The following PRKN variants were observed in gnomAD, a reference collection of about 807,000 sequenced individuals.
The protein encoded by PRKN is E3 ubiquitin-protein ligase parkin.
Under a neutral mutation model 59.5 loss-of-function variants are expected in PRKN, and 56 were observed. The ratio of observed to expected loss-of-function variants is 0.94; its 90% confidence interval spans 0.76 to 1.18. The LOEUF is 1.18. PRKN is among the 50% of genes most tolerant of loss of function. PRKN has a pLI of 0.00. For synonymous variants in PRKN, 250 were observed against 222.1 expected (o/e 1.13, Z -1.12); for missense variants, 657 against 596.4 (o/e 1.10, Z -1.06).
In PRKN at chr6:161,593,845, G is replaced by C. The variant is rs1469717571; in HGVS notation, c.872-24429C>G. Among the ~76,000 whole-genome samples, 1 of 152,086 alleles carries C rather than the reference G, an allele frequency of 6.6e-6. No individual in the cohort carries two copies. The highest frequency in any genetic ancestry group is 1.5e-5 in the Non-Finnish European group (1 of 67,998). On this transcript the variant is annotated intron_variant, in intron 7 of 11. Transcript: ENST00000366898. The surrounding 1 kb of genome is among the most constrained non-coding windows in gnomAD (Gnocchi z 4.8). ...CATGATGCTCAGGGGTCAAATAGGT[G>C]GAGGTGATAGAATTGACTGCTGGAG...
chr6:161,401,619 C>T lies in PRKN; in HGVS notation c.1084-14742G>A, dbSNP rs1436858603. Among the ~76,000 whole-genome samples the T allele has an allele frequency of 7.3e-5, 10 of 136,872 alleles. No homozygotes were observed. Among genetic ancestry groups the T allele is most frequent in the Admixed American group, 6.7e-4 (9 of 13,382 alleles). The allele number at this position is 136,872 out of a possible 152,430, so 89.8% of individuals were successfully genotyped here. ...CAAGAGCAAGATTCTGTCCCCACTCCCCACCAAAAAAAAAAAATTAGAGTA... is the reference window on the plus strand; with the variant it reads ...CAAGAGCAAGATTCTGTCCCCACTCTCCACCAAAAAAAAAAAATTAGAGTA... On this transcript the variant is annotated intron_variant, in intron 9 of 11. Transcript: ENST00000366898. The surrounding 1 kb of genome is among the most constrained non-coding windows in gnomAD (Gnocchi z 4.4).
chr6:162,696,404 G>GAGGT (rs1399201831), intron 1 of PRKN, among the ~76,000 whole-genome samples: 1 of 151,956 alleles, frequency 6.6e-6, no homozygotes, highest in African/African-American at 2.4e-5. Flanking sequence ...CTGTTTAGAG[G>GAGGT]AGGTAGGTGT....
At chr6:162,100,822 T>C (rs1321069571) in intron 4 of PRKN, among the ~76,000 whole-genome samples, 1 of 152,226 alleles carries the variant, frequency 6.6e-6, no homozygotes. Flanking sequence ...ATTTTTTCCC[T>C]GATAATTTAT....
At chr6:162,527,398 A>AT (rs999763903) in intron 1 of PRKN, among the ~76,000 whole-genome samples, 32 of 151,958 alleles carry the variant, frequency 2.1e-4, no homozygotes, top group African/African-American at 6.5e-4. Context: ...ACATTCGAGG[A>AT]TTTTTTTTTC....
intron 7 of PRKN, among the ~76,000 whole-genome samples, chr6:161,626,394 A>G (rs1479614254): frequency 6.6e-6 from 1 of 152,234 alleles, no homozygotes; most frequent in Non-Finnish European, 1.5e-5. Context: ...GTGACTGATG[A>G]TGCTTCAGGT....
chr6:161,904,238 T>A (rs1427860171), intron 6 of PRKN, among the ~76,000 whole-genome samples: 1 of 151,590 alleles, frequency 6.6e-6, no homozygotes, highest in East Asian at 1.9e-4. Context: ...CGCCCACAGT[T>A]TGGGGGGAAA....
At position 162,630,070 on chromosome 6, in the gene PRKN, T is replaced by TA. The variant is rs548809706; in HGVS notation, c.7+97591dup. 5.9e-5 allele frequency among the ~76,000 whole-genome samples: 9 copies of TA among 152,266 alleles called. No homozygotes were observed. In the South Asian group the frequency reaches 1.7e-3, roughly 28 times the overall value. ...AACTGTGCACGATGGTCTGCACAAG[T>TA]AGGTGCTAAAGGTGTTTGCTGAAAT... On this transcript the variant is annotated intron_variant, in intron 1 of 11. Transcript: ENST00000366898.
chr6:162,660,551 T>C (rs996723628), intron 1 of PRKN, among the ~76,000 whole-genome samples: 2 of 152,224 alleles, frequency 1.3e-5, no homozygotes, highest in Non-Finnish European at 2.9e-5. Context: ...TCCTTCCCTA[T>C]GATTCCATAG....
intron 2 of PRKN, among the ~76,000 whole-genome samples, chr6:162,291,817 G>T (rs775758719): frequency 6.6e-6 from 1 of 152,124 alleles, no homozygotes; most frequent in Non-Finnish European, 1.5e-5. Flanking sequence ...AAAGGTTGGC[G>T]TTGGGATTTG....
At chr6:161,623,514 C>T (rs990672726) in intron 7 of PRKN, among the ~76,000 whole-genome samples, 24 of 152,258 alleles carry the variant, frequency 1.6e-4, no homozygotes, top group Admixed American at 7.8e-4. Flanking sequence ...AGTAAGGGAG[C>T]GACAGACAGC....
intron 1 of PRKN, among the ~76,000 whole-genome samples, chr6:162,679,524 A>T (rs1007783221): frequency 1.3e-5 from 2 of 152,192 alleles, no homozygotes; most frequent in Non-Finnish European, 2.9e-5. Flanking sequence ...AAGGTCATGA[A>T]GATTGTCATT....
intron 4 of PRKN, among the ~76,000 whole-genome samples, chr6:162,075,320 T>C (rs972938312): frequency 6.6e-6 from 1 of 152,144 alleles, no homozygotes; most frequent in African/African-American, 2.4e-5. Context: ...GTTTATTAGA[T>C]TTCTAGTGAA....
chr6:161,540,198 TTTG>T (rs1250823108), intron 9 of PRKN, among the ~76,000 whole-genome samples: 4 of 152,220 alleles, frequency 2.6e-5, no homozygotes, highest in African/African-American at 4.8e-5. Context: ...ACATGTCATT[TTTG>T]TTGTTATTAT....
intron 2 of PRKN, among the ~76,000 whole-genome samples, chr6:162,400,261 T>A (rs1445952390): frequency 6.6e-6 from 1 of 150,932 alleles, no homozygotes; most frequent in African/African-American, 2.4e-5. Context: ...GATTTGAATC[T>A]ACATATGGAA....
chr6:161,683,226 C>A (rs1413605994), intron 7 of PRKN, among the ~76,000 whole-genome samples: 1 of 152,140 alleles, frequency 6.6e-6, no homozygotes, highest in African/African-American at 2.4e-5. Flanking sequence ...AAAGCTTTCA[C>A]CTGCAGAGAA....
At chr6:162,537,576 T>C (rs1389172462) in intron 1 of PRKN, among the ~76,000 whole-genome samples, 1 of 152,194 alleles carries the variant, frequency 6.6e-6, no homozygotes, top group Non-Finnish European at 1.5e-5. Flanking sequence ...TCCAAGGCAA[T>C]CTGCCGGCAG....
intron 1 of PRKN, among the ~76,000 whole-genome samples, chr6:162,725,024 T>C (rs1336270060): frequency 1.3e-5 from 2 of 152,204 alleles, no homozygotes; most frequent in Admixed American, 1.3e-4. Flanking sequence ...CACTGTAAGC[T>C]TGCTTCAAGC....
At chr6:162,000,052 A>G (rs1458542950) in intron 5 of PRKN, among the ~76,000 whole-genome samples, 1 of 152,118 alleles carries the variant, frequency 6.6e-6, no homozygotes, top group Non-Finnish European at 1.5e-5. Context: ...CTACTGAAGG[A>G]CATCTTGGCT....
At chr6:162,216,663 G>A (rs1292176662) in intron 3 of PRKN, among the ~76,000 whole-genome samples, 1 of 151,544 alleles carries the variant, frequency 6.6e-6, no homozygotes, top group African/African-American at 2.4e-5. Context: ...TCTCACAGAC[G>A]GTGTCTGGGA....
Sources: allele counts gnomAD v4.1 joint callset (sites outside exome capture counted in the v4.1 genomes callset), GRCh38; gene constraint gnomAD v4.1.1; non-coding constraint Gnocchi (gnomAD v3.1); transcripts MANE v1.5; gene names NCBI Gene and HGNC (gene_info 2026-07-23, HGNC 2026-07-21).